Variants in XPR1 observed in about 807,000 individuals in gnomAD.
XPR1 encodes xenotropic and polytropic retrovirus receptor 1.
XPR1 carries 28 observed loss-of-function variants against 87.5 expected under a neutral mutation model. That is an observed-to-expected ratio of 0.32 (90% CI 0.24 to 0.44). The LOEUF is 0.44. Ranked by LOEUF, XPR1 falls within the 20% of genes least tolerant of loss-of-function variation. XPR1 has a pLI of 1.00. For synonymous variants in XPR1, 300 were observed against 306.1 expected (o/e 0.98, Z 0.21); for missense variants, 559 against 862.3 (o/e 0.65, Z 4.41).
chr1:180,714,389 C>G (rs980361948), intron 2 of XPR1, among the ~76,000 whole-genome samples: 1 of 145,774 alleles, frequency 6.9e-6, no homozygotes, highest in Non-Finnish European at 1.5e-5. Flanking sequence ...CTCTCTCTCT[C>G]TCTCTCTCTC....
chr1:180,778,041 C>A (rs914694885), intron 2 of XPR1, among the ~76,000 whole-genome samples: 1 of 152,104 alleles, frequency 6.6e-6, no homozygotes, highest in African/African-American at 2.4e-5. Flanking sequence ...TAGAGTATAA[C>A]GTGATTACAG....
intron 13 of XPR1, among the ~76,000 whole-genome samples, chr1:180,875,715 C>T (rs12060769): frequency 6.6e-6 from 1 of 151,416 alleles, no homozygotes; most frequent in Non-Finnish European, 1.5e-5. Flanking sequence ...ATATAAAGAA[C>T]GTAAATTAAT....
At chr1:180,851,981 G>GT (rs1558038691) in intron 11 of XPR1, among the ~76,000 whole-genome samples, 1 of 151,300 alleles carries the variant, frequency 6.6e-6, no homozygotes, top group Non-Finnish European at 1.5e-5. Flanking sequence ...CATCTTCAAT[G>GT]TATCAGGCAC....
At position 180,853,626 on chromosome 1, in the gene XPR1, G is replaced by GACACACACAC. The variant is rs143320476; in HGVS notation, c.1502-10049_1502-10040dup. On this transcript the variant is annotated intron_variant, in intron 11 of 14. Transcript: ENST00000367590. Reference sequence around the variant, plus strand: ...TTGGGTATTTTGTTATTAGACTATAGACACACACACACACACACACACACA... The same window carrying GACACACACAC: ...TTGGGTATTTTGTTATTAGACTATAGACACACACACACACACACACACACACACACACACA... Among the ~76,000 whole-genome samples, 889 of 140,320 alleles carry GACACACACAC rather than the reference G, an allele frequency of 6.3e-3. 3 individuals are homozygous for GACACACACAC. Among genetic ancestry groups the GACACACACAC allele is most frequent in the Non-Finnish European group, 9.1e-3 (586 of 64,514 alleles). The allele number at this position is 140,320 out of a possible 152,430, so 92.1% of individuals were successfully genotyped here. A position where few individuals can be genotyped will look rare whatever the true frequency, so the allele number is the denominator to read the frequency against.
rs1291926102 is a variant in XPR1 at position 180,886,193 on chromosome 1, T to C, written c.*2127T>C. The C allele has an allele frequency of 2.6e-5, 4 of 152,246 alleles. No individual in the cohort carries two copies. Among genetic ancestry groups the C allele is most frequent in the African/African-American group, 7.2e-5 (3 of 41,464 alleles). The allele number at this position is 152,246 out of a possible 1,614,324, so 9.4% of individuals were successfully genotyped here. On this transcript the variant is annotated 3_prime_UTR_variant, in exon 15 of 15. Coordinates refer to ENST00000367590, the MANE Select transcript of XPR1 (RefSeq NM_004736.4). ...GCATTATTTATACTTGAGATTTTTT[T>C]CCCCTAACTATTCTGTTTTTTGTAC...
intron 11 of XPR1, among the ~76,000 whole-genome samples, chr1:180,851,508 G>A (rs1651868836): frequency 6.6e-6 from 1 of 152,160 alleles, no homozygotes. Context: ...AAACTCCATA[G>A]AAACATAACC....
At chr1:180,745,725 G>A (rs1335667235) in intron 2 of XPR1, among the ~76,000 whole-genome samples, 9 of 152,170 alleles carry the variant, frequency 5.9e-5, no homozygotes. Context: ...GTACAGGCCA[G>A]CAGATACTGA....
chr1:180,825,220 C>A lies in XPR1; in HGVS notation c.1010C>A (p.Ala337Asp). ...WCLSLLACFF[A>D]PISVIPTYVY... The stretch of plus-strand genomic sequence containing the variant: ...CTGAGCCTTCTGGCATGCTTCTTTG[C>A]TCCAATTAGTGTCATCCCCACATAT... The change falls in exon 9 of 15, where the codon GCT becomes GAT. Residue 337 changes from alanine (A) to aspartate (D), a missense_variant. This residue lies in a region of XPR1 where 264 missense variants were observed against 377.2 expected (regional missense o/e 0.70). Transcript: ENST00000367590. 1 of 1,614,002 alleles carries A rather than the reference C, an allele frequency of 6.2e-7. No individual in the cohort carries two copies. Among genetic ancestry groups the A allele is most frequent in the Non-Finnish European group, 8.5e-7 (1 of 1,179,946 alleles).
intron 1 of XPR1, among the ~76,000 whole-genome samples, chr1:180,677,106 C>T (rs1314661613): frequency 6.6e-6 from 1 of 152,126 alleles, no homozygotes; most frequent in African/African-American, 2.4e-5. Context: ...GGAGGTAGTA[C>T]AGATCCCACA....
intron 2 of XPR1, among the ~76,000 whole-genome samples, chr1:180,778,411 T>TC (rs770863768): frequency 3.5e-4 from 53 of 152,218 alleles, no homozygotes; most frequent in Admixed American, 1.3e-4. Flanking sequence ...GTTCCACTTC[T>TC]CATAGAATAA....
At chr1:180,758,692 A>G (rs1571806572) in intron 2 of XPR1, 1 of 152,480 alleles carries the variant, frequency 6.6e-6, no homozygotes, top group South Asian at 2.1e-4. Flanking sequence ...TGGACAACAG[A>G]GCGAGACTCC....
At chr1:180,642,444 A>G (rs1164907356) in intron 1 of XPR1, among the ~76,000 whole-genome samples, 1 of 152,160 alleles carries the variant, frequency 6.6e-6, no homozygotes, top group Non-Finnish European at 1.5e-5. Context: ...TAATAAAACA[A>G]TAATGAGGAT....
At position 180,696,522 on chromosome 1, in the gene XPR1, A is replaced by G. The variant is rs184308861; in HGVS notation, c.121+14111A>G. On this transcript the variant is annotated intron_variant, in intron 2 of 14. Transcript: ENST00000367590. ...GTACTATGTTGAATAAGAATGGTGA[A>G]AGTGGGCAAGAATGGTGAAAGTGGG... Among the ~76,000 whole-genome samples, 8 of 151,876 alleles carry G rather than the reference A, an allele frequency of 5.3e-5. No homozygotes were observed. In the East Asian group the frequency reaches 1.6e-3, roughly 29 times the overall value.
intron 3 of XPR1, among the ~76,000 whole-genome samples, chr1:180,800,684 A>G (rs1432004420): frequency 6.6e-6 from 1 of 152,230 alleles, no homozygotes; most frequent in African/African-American, 2.4e-5. Flanking sequence ...TACAAAAGCC[A>G]ATGACGAGTA....
At chr1:180,728,268 G>A (rs1231950526) in intron 2 of XPR1, among the ~76,000 whole-genome samples, 1 of 143,140 alleles carries the variant, frequency 7.0e-6, no homozygotes, top group Non-Finnish European at 1.5e-5. Flanking sequence ...GGTATATGGC[G>A]GTAGTGAGAA....
intron 14 of XPR1, among the ~76,000 whole-genome samples, chr1:180,883,194 G>A (rs1652899198): frequency 7.0e-6 from 1 of 143,092 alleles, no homozygotes. Flanking sequence ...TCAAACTGCC[G>A]GGCTAAGGCG....
At chr1:180,684,001 C>T (rs1656677598) in intron 2 of XPR1, among the ~76,000 whole-genome samples, 1 of 152,040 alleles carries the variant, frequency 6.6e-6, no homozygotes, top group African/African-American at 2.4e-5. Flanking sequence ...CTTTTGTTGC[C>T]ATTGCTTTTG....
intron 1 of XPR1, among the ~76,000 whole-genome samples, chr1:180,657,852 A>T (rs536278198): frequency 6.6e-6 from 1 of 152,070 alleles, no homozygotes; most frequent in African/African-American, 2.4e-5. Context: ...TAGAGATTGC[A>T]TTGAATCTGT....
chr1:180,737,696 A>T (rs1658773981), intron 2 of XPR1, among the ~76,000 whole-genome samples: 1 of 152,244 alleles, frequency 6.6e-6, no homozygotes, highest in African/African-American at 2.4e-5. Context: ...TCATATAAAT[A>T]GAATAATACA....
Sources: allele counts gnomAD v4.1 joint callset (sites outside exome capture counted in the v4.1 genomes callset), GRCh38; gene constraint gnomAD v4.1.1; regional missense constraint gnomAD v4.1.1; transcripts MANE v1.5; gene names NCBI Gene and HGNC (gene_info 2026-07-23, HGNC 2026-07-21).